Variants in BCL11A observed in about 807,000 individuals in gnomAD.
BCL11A encodes the protein BCL11 transcription factor A.
BCL11A carries 2 observed loss-of-function variants against 55.9 expected under a neutral mutation model. The ratio of observed to expected loss-of-function variants is 0.04; its 90% confidence interval spans 0.01 to 0.11. BCL11A has a LOEUF of 0.11. BCL11A is among the 10% of genes least tolerant of loss of function. BCL11A has a pLI of 1.00. For missense variants in BCL11A, 817 were observed against 1,137.1 expected (o/e 0.72, Z 4.05); for synonymous variants, 465 against 473.4 (o/e 0.98, Z 0.23).
chr2:60,521,301 A>G (rs1668981642), intron 2 of BCL11A, among the ~76,000 whole-genome samples: 1 of 152,244 alleles, frequency 6.6e-6, no homozygotes, highest in South Asian at 2.1e-4. Flanking sequence ...ACACTTGCTA[A>G]TAATAGCCTC....
At chr2:60,497,813 C>A (rs904571791) in intron 2 of BCL11A, among the ~76,000 whole-genome samples, 1 of 152,100 alleles carries the variant, frequency 6.6e-6, no homozygotes, top group Non-Finnish European at 1.5e-5. Flanking sequence ...CTCATTTCTC[C>A]CTTTGCTGAT....
At chr2:60,473,943 T>C (rs1225437224) in intron 2 of BCL11A, among the ~76,000 whole-genome samples, 1 of 152,222 alleles carries the variant, frequency 6.6e-6, no homozygotes, top group African/African-American at 2.4e-5. Context: ...CTTTAAAAAG[T>C]GTATTCTGCA....
intron 2 of BCL11A, among the ~76,000 whole-genome samples, chr2:60,482,449 T>C (rs1331152765): frequency 2.0e-5 from 3 of 152,166 alleles, no homozygotes; most frequent in Non-Finnish European, 4.4e-5. Flanking sequence ...GCACCAGGCA[T>C]ACAGAGTGGG....
At chr2:60,541,009 GT>G (rs1236492223) in intron 2 of BCL11A, among the ~76,000 whole-genome samples, 2 of 139,804 alleles carry the variant, frequency 1.4e-5, no homozygotes, top group African/African-American at 2.6e-5. Flanking sequence ...TTGTTTTTTT[GT>G]TTTTTTAAGC....
At chr2:60,473,130 G>A (rs754007625) in intron 2 of BCL11A, among the ~76,000 whole-genome samples, 1 of 151,552 alleles carries the variant, frequency 6.6e-6, no homozygotes, top group Non-Finnish European at 1.5e-5. Flanking sequence ...GCATGCACAT[G>A]TGTGTTAGCG....
chr2:60,494,941 C>G (rs1678858282), intron 2 of BCL11A, among the ~76,000 whole-genome samples: 2 of 152,092 alleles, frequency 1.3e-5, no homozygotes, highest in South Asian at 4.1e-4. Context: ...AACACAGATC[C>G]TAACACAGTA....
In BCL11A at chr2:60,461,784, G is replaced by C. The variant is rs1157641288; in HGVS notation, c.1128C>G (p.Ser376=). 21 of 1,613,674 alleles carry C rather than the reference G, an allele frequency of 1.3e-5. No individual in the cohort carries two copies. Among genetic ancestry groups the C allele is most frequent in the Non-Finnish European group, 1.8e-5 (21 of 1,180,004 alleles). The change falls in exon 4 of 4, where the codon TCC becomes TCG. Residue 376 remains serine, a synonymous_variant. Coordinates refer to ENST00000642384, the MANE Select transcript of BCL11A (RefSeq NM_022893.4). ...APPPSQPPVK[S]KSCEFCGKTF... ...TCTTGCCGCAGAACTCGCATGACTTGGACTTGACCGGGGGCTGGGAGGGAG... is the reference window on the plus strand; with the variant it reads ...TCTTGCCGCAGAACTCGCATGACTTCGACTTGACCGGGGGCTGGGAGGGAG...
In BCL11A at chr2:60,462,228, A is replaced by C. The variant is rs1676356096; in HGVS notation, c.684T>G (p.His228Gln). 6.2e-7 allele frequency: 1 copy of C among 1,613,448 alleles called. No homozygotes were observed. Among genetic ancestry groups the C allele is most frequent in the African/African-American group, 1.3e-5 (1 of 74,902 alleles). ...GGTTATTGTCTGCAATATGAATCCC[A>C]TGGAGAGGTGGCTGGGAAGGACATT... ...GAECPSQPPL[H>Q]GIHIADNNPF... Residue 228 changes from histidine (H) to glutamine (Q), a missense_variant, in exon 4 of 4, where the codon CAT becomes CAG. Physicochemically the swap from His to Gln is conservative, Grantham distance 24 (BLOSUM62 0). Transcript: ENST00000642384.
At chr2:60,491,247 G>A (rs750692044) in intron 2 of BCL11A, among the ~76,000 whole-genome samples, 3 of 152,164 alleles carry the variant, frequency 2.0e-5, no homozygotes, top group Non-Finnish European at 2.9e-5. Context: ...TTCTAAAAAC[G>A]TATTCTTAAT....
Position 60,458,608 on chromosome 2 carries a change from T to A in BCL11A, c.*1796A>T. 3 of 1,033,626 alleles carry A rather than the reference T, an allele frequency of 2.9e-6. No individual in the cohort carries two copies. The highest frequency in any genetic ancestry group is 3.5e-6 in the Non-Finnish European group (3 of 858,718). 64.0% of individuals were successfully genotyped at this position (1,033,626 alleles called of 1,614,324 possible). A position where few individuals can be genotyped will look rare whatever the true frequency, so the allele number is the denominator to read the frequency against. ...AAGTAAATGGCTGGCAAAGTTTTTT[T>A]TTTTTTAGTTTTTAAAAAATGCTCC... is the stretch of plus-strand genomic sequence containing the variant. On this transcript the variant is annotated 3_prime_UTR_variant, in exon 4 of 4. Coordinates refer to ENST00000642384, the MANE Select transcript of BCL11A (RefSeq NM_022893.4).
chr2:60,481,720 C>T (rs1207093349), intron 2 of BCL11A, among the ~76,000 whole-genome samples: 1 of 152,192 alleles, frequency 6.6e-6, no homozygotes, highest in African/African-American at 2.4e-5. Context: ...CTCAGGGCTC[C>T]AGTGTTTTAA....
At chr2:60,532,970 C>T (rs1468677606) in intron 2 of BCL11A, 3 of 152,168 alleles carry the variant, frequency 2.0e-5, no homozygotes, top group Non-Finnish European at 4.4e-5. Flanking sequence ...GTGTACTTGA[C>T]ATTTATACAG....
At position 60,460,168 on chromosome 2, in the gene BCL11A, GAAAAA is replaced by G; in HGVS notation, c.*231_*235del. 1 of 1,088,224 alleles carries G rather than the reference GAAAAA, an allele frequency of 9.2e-7. No individual in the cohort carries two copies. Among genetic ancestry groups the G allele is most frequent in the Non-Finnish European group, 1.1e-6 (1 of 885,836 alleles). The allele number at this position is 1,088,224 out of a possible 1,614,324, so 67.4% of individuals were successfully genotyped here. A position where few individuals can be genotyped will look rare whatever the true frequency, so the allele number is the denominator to read the frequency against. ...GCATTCAAACGGTGAGAACATAAAG[GAAAAA>G]AAAAAAAAAGGAAAAAGAAAAAAGA... On this transcript the variant is annotated 3_prime_UTR_variant, in exon 4 of 4. Transcript: ENST00000642384.
In BCL11A at chr2:60,461,913, T is replaced by C. The variant is rs367763332; in HGVS notation, c.999A>G (p.Pro333=). The change falls in exon 4 of 4, where the codon CCA becomes CCG. Residue 333 remains proline, a synonymous_variant. Transcript: ENST00000642384. ...AGNTSSPPLS[P]GRPSPMQRLL... The stretch of plus-strand genomic sequence containing the variant: ...ACCTTTGCATAGGGCTGGGCCGGCC[T>C]GGGGACAGCGGTGGGCTAGACGTGT... The C allele has an allele frequency of 4.8e-5, 77 of 1,614,016 alleles. No individual in the cohort carries two copies. Among genetic ancestry groups the C allele is most frequent in the Admixed American group, 8.3e-5 (5 of 60,012 alleles).
At chr2:60,515,879 C>G (rs1233716778) in intron 2 of BCL11A, among the ~76,000 whole-genome samples, 1 of 152,178 alleles carries the variant, frequency 6.6e-6, no homozygotes, top group Non-Finnish European at 1.5e-5. Context: ...GAGTCACCAC[C>G]AGGCTGCGCT....
rs1192776843 is a variant in BCL11A, at chr2:60,546,037, G to A, written c.319C>T (p.Pro107Ser). The change falls in exon 2 of 4, where the codon CCA (proline) becomes TCA (serine). Residue 107 changes from proline (P) to serine (S), a missense_variant. Around this residue, in one of 4 missense-constraint regions of BCL11A, gnomAD observed 363 missense variants for 486.6 expected, o/e 0.75. Coordinates refer to ENST00000642384, the MANE Select transcript of BCL11A (RefSeq NM_022893.4). The surrounding 1 kb of genome is among the most constrained non-coding windows in gnomAD (Gnocchi z 4.1). Reference sequence around the variant, plus strand: ...GTTGATAAACAATCGTCATCCTCTGGCGTGACCTGGATGCCAACCTCCACG... The same window carrying A: ...GTTGATAAACAATCGTCATCCTCTGACGTGACCTGGATGCCAACCTCCACG... ...NPVEVGIQVT[P>S]EDDDCLSTSS... The A allele has an allele frequency of 6.2e-7, 1 of 1,614,196 alleles. No homozygotes were observed. Among genetic ancestry groups the A allele is most frequent in the African/African-American group, 1.3e-5 (1 of 75,036 alleles).
At position 60,553,470 on chromosome 2, in the gene BCL11A, C is replaced by T. The variant is rs1670505847; in HGVS notation, c.-200G>A. ...ATGAATTGTGGGAGAGCCGTCATGG[C>T]TTTTTTTTAAGCAAAAAAAAAAAAA... On this transcript the variant is annotated 5_prime_UTR_variant, in exon 1 of 4. Coordinates refer to ENST00000642384, the MANE Select transcript of BCL11A (RefSeq NM_022893.4). 1.0e-5 allele frequency: 1 copy of T among 96,712 alleles called. No individual in the cohort carries two copies. Among genetic ancestry groups the T allele is most frequent in the Non-Finnish European group, 1.9e-5 (1 of 53,892 alleles). 6.0% of individuals were successfully genotyped at this position (96,712 alleles called of 1,614,324 possible).
At chr2:60,470,550 G>A (rs1049691183) in intron 2 of BCL11A, among the ~76,000 whole-genome samples, 25 of 152,182 alleles carry the variant, frequency 1.6e-4, no homozygotes, top group African/African-American at 6.0e-4. Context: ...TGTATGGGGA[G>A]TATCAAATTT....
chr2:60,507,271 G>A (rs1266506785), intron 2 of BCL11A, among the ~76,000 whole-genome samples: 1 of 826 alleles, frequency 1.2e-3, no homozygotes, highest in Non-Finnish European at 2.3e-3. Context: ...GGGGAGGGGA[G>A]GGGAGGGGAG....
Sources: allele counts gnomAD v4.1 joint callset (sites outside exome capture counted in the v4.1 genomes callset), GRCh38; gene constraint gnomAD v4.1.1; regional missense constraint gnomAD v4.1.1; non-coding constraint Gnocchi (gnomAD v3.1); transcripts MANE v1.5; gene names NCBI Gene and HGNC (gene_info 2026-07-23, HGNC 2026-07-21).